Variants in RTN1 observed in about 807,000 individuals in gnomAD.
The protein encoded by RTN1 is reticulon 1.
In RTN1, 25 loss-of-function variants were observed where a neutral mutation model predicts 65.5. The observed-to-expected ratio is 0.38, with a 90% CI of 0.28 to 0.53. The LOEUF (loss-of-function observed/expected upper bound fraction) is 0.53. RTN1 is among the 20% of genes least tolerant of loss of function. RTN1 has a pLI of 0.79. For synonymous variants in RTN1, 471 were observed against 447.6 expected (o/e 1.05, Z -0.66); for missense variants, 983 against 1,025.4 (o/e 0.96, Z 0.57).
chr14:59,599,509 G>A (rs1881512665), intron 8 of RTN1, among the ~76,000 whole-genome samples: 1 of 152,130 alleles, frequency 6.6e-6, no homozygotes, highest in Non-Finnish European at 1.5e-5. Context: ...GACACATATT[G>A]GATGGATTAA....
intron 1 of RTN1, among the ~76,000 whole-genome samples, chr14:59,777,300 C>G (rs990064564): frequency 6.6e-6 from 1 of 152,146 alleles, no homozygotes; most frequent in African/African-American, 2.4e-5. Context: ...TTGTGTTTGA[C>G]TGTTTGTCTT....
chr14:59,706,743 T>G (rs752079677), intron 3 of RTN1, among the ~76,000 whole-genome samples: 2 of 152,234 alleles, frequency 1.3e-5, no homozygotes, highest in African/African-American at 4.8e-5. Context: ...ATCTCCGTGA[T>G]GCTCAATGTT....
chr14:59,705,644 T>A (rs1269434328), intron 3 of RTN1, among the ~76,000 whole-genome samples: 2 of 152,190 alleles, frequency 1.3e-5, no homozygotes, highest in South Asian at 2.1e-4. Flanking sequence ...ATAGAAAAAT[T>A]AGAAGAGTCA....
At chr14:59,711,175 T>C (rs532370005) in intron 3 of RTN1, among the ~76,000 whole-genome samples, 1 of 152,302 alleles carries the variant, frequency 6.6e-6, no homozygotes, top group African/African-American at 2.4e-5. Flanking sequence ...GGTTTTCCAT[T>C]TTATGGGGGT....
intron 3 of RTN1, among the ~76,000 whole-genome samples, chr14:59,707,953 G>C (rs1292483640): frequency 1.6e-4 from 24 of 152,178 alleles, no homozygotes; most frequent in Admixed American, 1.6e-3. Context: ...GCCAGATGGG[G>C]TAGAATGCCA....
At chr14:59,608,306 A>T in intron 3 of RTN1, among the ~76,000 whole-genome samples, 1 of 152,238 alleles carries the variant, frequency 6.6e-6, no homozygotes, top group East Asian at 1.9e-4. Context: ...AACCAAATGT[A>T]AGTGGTAGTG....
At chr14:59,840,287 A>G (rs1487643804) in intron 1 of RTN1, among the ~76,000 whole-genome samples, 1 of 152,190 alleles carries the variant, frequency 6.6e-6, no homozygotes, top group African/African-American at 2.4e-5. Flanking sequence ...AATCACATTT[A>G]TCCACTCAGA....
chr14:59,672,915 C>G (rs2140216127), intron 3 of RTN1, among the ~76,000 whole-genome samples: 1 of 152,204 alleles, frequency 6.6e-6, no homozygotes, highest in African/African-American at 2.4e-5. Context: ...GCTGGGATTA[C>G]AGGCGTGAGC....
chr14:59,606,179 T>C (rs1881748094), intron 4 of RTN1: 1 of 149,178 alleles, frequency 6.7e-6, no homozygotes, highest in Non-Finnish European at 1.5e-5. Context: ...CAGAGGTCCA[T>C]CCTTCCTCTC....
chr14:59,754,352 C>T (rs182784109), intron 1 of RTN1, among the ~76,000 whole-genome samples: 16 of 152,274 alleles, frequency 1.1e-4, no homozygotes, highest in East Asian at 3.9e-4. Flanking sequence ...AGGATGACAA[C>T]GATGACTTGC....
intron 1 of RTN1, among the ~76,000 whole-genome samples, chr14:59,749,978 T>TTATATATTATATACA (rs1354020561): frequency 2.1e-5 from 2 of 95,318 alleles, no homozygotes; most frequent in East Asian, 2.4e-4. Flanking sequence ...TATACATATA[T>TTATATATTATATACA]TATATATTAT....
chr14:59,692,647 C>T (rs1398395572), intron 3 of RTN1, among the ~76,000 whole-genome samples: 1 of 152,062 alleles, frequency 6.6e-6, no homozygotes, highest in Non-Finnish European at 1.5e-5. Context: ...CATTATATTG[C>T]CCAACTTCAA....
At chr14:59,757,632 G>C (rs1885666271) in intron 1 of RTN1, among the ~76,000 whole-genome samples, 1 of 152,160 alleles carries the variant, frequency 6.6e-6, no homozygotes, top group Non-Finnish European at 1.5e-5. Context: ...TTGTAAAAGA[G>C]AGCCAAGGGA....
intron 1 of RTN1, among the ~76,000 whole-genome samples, chr14:59,763,496 T>C (rs1457225172): frequency 1.3e-5 from 2 of 151,676 alleles, no homozygotes; most frequent in Non-Finnish European, 2.9e-5. Context: ...AAATTTAAAA[T>C]ATGCACAATT....
At chr14:59,754,659 C>A (rs1228252395) in intron 1 of RTN1, among the ~76,000 whole-genome samples, 1 of 152,192 alleles carries the variant, frequency 6.6e-6, no homozygotes, top group African/African-American at 2.4e-5. Context: ...ACATCGAACA[C>A]ACTCAATAAA....
At chr14:59,609,475 T>C (rs556783361) in intron 3 of RTN1, among the ~76,000 whole-genome samples, 14 of 152,326 alleles carry the variant, frequency 9.2e-5, no homozygotes, top group African/African-American at 2.6e-4. Flanking sequence ...GCCATAATCT[T>C]TTTCAGGTGG....
At chr14:59,682,341 C>G (rs879700150) in intron 3 of RTN1, among the ~76,000 whole-genome samples, 25 of 152,252 alleles carry the variant, frequency 1.6e-4, no homozygotes, top group African/African-American at 5.8e-4. Flanking sequence ...TTTATTTGAA[C>G]AAGATTTATT....
chr14:59,844,162 T>C (rs1887364440), intron 1 of RTN1, among the ~76,000 whole-genome samples: 1 of 152,068 alleles, frequency 6.6e-6, no homozygotes. Context: ...CAGCCTCGGG[T>C]ATAGAAGGGA....
rs191748453 is a variant in RTN1, at chr14:59,833,830, T to C, written c.241+36560A>G. 5.3e-5 allele frequency among the ~76,000 whole-genome samples: 8 copies of C among 152,338 alleles called. No individual in the cohort carries two copies. The East Asian group carries it at 1.3e-3, about 26-fold the overall frequency. Reference sequence around the variant, plus strand: ...CAATAAGAAAGGTCACACAGTCATTTTACTCCCCAAAGCAAATGCTATCTC... The same window carrying C: ...CAATAAGAAAGGTCACACAGTCATTCTACTCCCCAAAGCAAATGCTATCTC... On this transcript the variant is annotated intron_variant, in intron 1 of 8. Transcript: ENST00000267484.
Sources: allele counts gnomAD v4.1 joint callset (sites outside exome capture counted in the v4.1 genomes callset), GRCh38; gene constraint gnomAD v4.1.1; transcripts MANE v1.5; gene names NCBI Gene and HGNC (gene_info 2026-07-23, HGNC 2026-07-21).